ACER2: variants seen among roughly 807,000 people sequenced by gnomAD.
The protein encoded by ACER2 is alkCDase 2.
In ACER2, 26 loss-of-function variants were observed where a neutral mutation model predicts 34.7. The observed-to-expected ratio is 0.75, with a 90% CI of 0.55 to 1.04. The LOEUF (loss-of-function observed/expected upper bound fraction) is 1.04, where lower values mean the gene tolerates loss of function less well. Ranked by LOEUF, ACER2 falls within the 50% of genes least tolerant of loss-of-function variation. ACER2 has a pLI of 0.00. For missense variants in ACER2, 352 were observed against 340.8 expected, an observed-to-expected ratio of 1.03 and a Z score of -0.26; for synonymous variants, 138 against 132.1, an observed-to-expected ratio of 1.04 and a Z score of -0.31.
At chr9:19,412,381 A>C (rs1830110986) in intron 1 of ACER2, among the ~76,000 whole-genome samples, 1 of 152,192 alleles carries the variant, frequency 6.6e-6, no homozygotes, top group South Asian at 2.1e-4. Flanking sequence ...GGCTGGGGGC[A>C]GTGGCTCATG....
intron 4 of ACER2, among the ~76,000 whole-genome samples, chr9:19,443,845 C>T (rs974746599): frequency 1.3e-5 from 2 of 151,982 alleles, no homozygotes; most frequent in African/African-American, 2.4e-5. Flanking sequence ...TTGGTAGAGA[C>T]GGGATATCAC....
chr9:19,434,818 C>T, intron 3 of ACER2, 129 bp from the exon 4 acceptor site: 1 of 1,240,894 alleles, frequency 8.1e-7, no homozygotes, highest in South Asian at 1.4e-5. Context: ...CTTTTTGAAC[C>T]TTGGTACTTA....
At chr9:19,423,749 G>T in intron 1 of ACER2, 113 bp from the exon 2 acceptor site, 1 of 781,282 alleles carries the variant, frequency 1.3e-6, no homozygotes, top group Non-Finnish European at 2.2e-6. Flanking sequence ...GCTTAAACGA[G>T]ATGTGTGACC....
intron 1 of ACER2, among the ~76,000 whole-genome samples, chr9:19,422,624 G>C (rs1830439532): frequency 6.6e-6 from 1 of 152,094 alleles, no homozygotes. Context: ...AGGGGAAAAG[G>C]CTGGCTTGGC....
chr9:19,411,009 GAGAGGGTCAACCTTGGTT>G (rs1289769084), intron 1 of ACER2, among the ~76,000 whole-genome samples: 1 of 152,224 alleles, frequency 6.6e-6, no homozygotes, highest in East Asian at 1.9e-4. Context: ...GGGGTCTACA[GAGAGGGTCAACCTTGGTT>G]ATTTTGGCCA....
intron 3 of ACER2, among the ~76,000 whole-genome samples, chr9:19,430,117 C>A (rs1054116601): frequency 2.8e-5 from 4 of 144,202 alleles, no homozygotes; most frequent in Admixed American, 2.1e-4. Context: ...CAAGCCTATA[C>A]CCTGTGTCCC....
chr9:19,449,189 G>A (rs1460676036), intron 5 of ACER2, among the ~76,000 whole-genome samples: 1 of 152,202 alleles, frequency 6.6e-6, no homozygotes, highest in East Asian at 1.9e-4. Flanking sequence ...ATAGTAGACA[G>A]TCATTACTAG....
intron 1 of ACER2, among the ~76,000 whole-genome samples, chr9:19,416,127 T>C (rs1469749906): frequency 6.6e-6 from 1 of 151,934 alleles, no homozygotes; most frequent in Admixed American, 6.6e-5. Context: ...TTAAGTTACC[T>C]ATGGTATAAC....
Position 19,416,578 on chromosome 9 carries a change from T to C in ACER2, c.109-7284T>C, listed in dbSNP as rs535998711. ...GAGACTCTTGTCGCCCAGGCTGGAG[T>C]GCAATGGTGTGATCTCGGCTTACTG... On this transcript the variant is annotated intron_variant, in intron 1 of 5. Coordinates refer to ENST00000340967, the MANE Select transcript of ACER2 (RefSeq NM_001010887.3). Among the ~76,000 whole-genome samples the C allele has an allele frequency of 6.6e-4, 100 of 152,200 alleles. No individual in the cohort carries two copies. The Middle Eastern group carries it at 0.017, about 26-fold the overall frequency.
chr9:19,449,335 C>G (rs1017257010), intron 5 of ACER2, among the ~76,000 whole-genome samples: 3 of 152,220 alleles, frequency 2.0e-5, no homozygotes, highest in African/African-American at 7.2e-5. Flanking sequence ...ATACCATTCT[C>G]ACCTACTTCC....
intron 5 of ACER2, among the ~76,000 whole-genome samples, chr9:19,447,089 T>C (rs1471624473): frequency 2.0e-5 from 3 of 151,508 alleles, no homozygotes; most frequent in African/African-American, 2.4e-5. Context: ...CTGGGGGAAA[T>C]TGGAGTGGCT....
chr9:19,430,070 A>G lies in ACER2; in HGVS notation c.366-4877A>G, dbSNP rs569141160. On this transcript the variant is annotated intron_variant, in intron 3 of 5. Transcript: ENST00000340967. ...TTCATTTCAGAAATGAAATGAAATT[A>G]TCACTGCTTTAAAGAGTAGCCAATG... Among the ~76,000 whole-genome samples the G allele has an allele frequency of 2.6e-5, 4 of 152,256 alleles. No individual in the cohort carries two copies. In the East Asian group the frequency reaches 7.7e-4, roughly 29 times the overall value.
At chr9:19,444,474 G>C (rs550854307) in intron 4 of ACER2, among the ~76,000 whole-genome samples, 1 of 152,316 alleles carries the variant, frequency 6.6e-6, no homozygotes, top group Admixed American at 6.5e-5. Context: ...GCCTCCCAAA[G>C]TGCTGGAATT....
At chr9:19,410,785 A>G (rs1295023640) in intron 1 of ACER2, among the ~76,000 whole-genome samples, 2 of 152,202 alleles carry the variant, frequency 1.3e-5, no homozygotes, top group African/African-American at 4.8e-5. Flanking sequence ...AACCTCCCAG[A>G]GCATGCTGTC....
At chr9:19,427,759 T>C (rs141148788) in intron 3 of ACER2, among the ~76,000 whole-genome samples, 10,173 of 151,790 alleles carry the variant, frequency 0.067, 915 homozygotes, top group African/African-American at 0.2. Flanking sequence ...CTCCACTTCC[T>C]ATGTTCACGC....
intron 4 of ACER2, among the ~76,000 whole-genome samples, chr9:19,442,882 G>T (rs141305598): frequency 0.015 from 2,247 of 151,488 alleles, 22 homozygotes; most frequent in African/African-American, 0.019. Context: ...GCCCAGGCTG[G>T]AGTGCGGTGG....
rs1402457598 is a variant in ACER2 at position 19,451,402 on chromosome 9, C to G, written c.*766C>G. The G allele has an allele frequency of 6.6e-6, 1 of 152,666 alleles. No homozygotes were observed. The highest frequency in any genetic ancestry group is 2.4e-5 in the African/African-American group (1 of 41,458). 9.5% of individuals were successfully genotyped at this position (152,666 alleles called of 1,614,324 possible). A position where few individuals can be genotyped will look rare whatever the true frequency, so the allele number is the denominator to read the frequency against. On this transcript the variant is annotated 3_prime_UTR_variant, in exon 6 of 6. Transcript: ENST00000340967. ...GCTAAAAAGGCTAGTTTTTCACTTGCATTTCTCAACTAACCCAGGTTTTAC... is the reference window on the plus strand; with the variant it reads ...GCTAAAAAGGCTAGTTTTTCACTTGGATTTCTCAACTAACCCAGGTTTTAC...
intron 1 of ACER2, among the ~76,000 whole-genome samples, chr9:19,416,110 T>C (rs1830233696): frequency 6.6e-6 from 1 of 151,510 alleles, no homozygotes; most frequent in African/African-American, 2.4e-5. Flanking sequence ...GGGAGAAAGA[T>C]CAGGTTTTAA....
intron 5 of ACER2, among the ~76,000 whole-genome samples, chr9:19,448,360 T>A (rs960725950): frequency 2.0e-5 from 3 of 152,190 alleles, no homozygotes; most frequent in Admixed American, 2.0e-4. Context: ...TACATAGATC[T>A]AATGCTATAC....
Sources: allele counts gnomAD v4.1 joint callset (sites outside exome capture counted in the v4.1 genomes callset), GRCh38; gene constraint gnomAD v4.1.1; transcripts MANE v1.5; gene names NCBI Gene and HGNC (gene_info 2026-07-23, HGNC 2026-07-21).